Variants in FYCO1 observed in about 807,000 individuals in gnomAD.
FYCO1 encodes FYVE and coiled-coil domain autophagy adaptor 1.
In FYCO1, 122 loss-of-function variants were observed where a neutral mutation model predicts 165.1. The observed-to-expected ratio is 0.74, with a 90% confidence interval of 0.64 to 0.86. FYCO1 has a LOEUF of 0.86. FYCO1 is among the 40% of genes least tolerant of loss of function. FYCO1 has a pLI of 0.00. For synonymous variants in FYCO1, 648 were observed against 742.5 expected (o/e 0.87, Z 2.07); for missense variants, 1,702 against 1,810.3 (o/e 0.94, Z 1.09).
Position 45,921,706 on chromosome 3 carries a change from G to T in FYCO1, c.*59C>A. On this transcript the variant is annotated 3_prime_UTR_variant, in exon 18 of 18. Coordinates refer to ENST00000296137, the MANE Select transcript of FYCO1 (RefSeq NM_024513.4). ...GACTTTTTAAAAAAATGCTTTATGT[G>T]ACAGGTGAGGAAGAGCAGTGTTTCC... 1 of 1,137,982 alleles carries T rather than the reference G, an allele frequency of 8.8e-7. No homozygotes were observed. The highest frequency in any genetic ancestry group is 1.3e-6 in the Non-Finnish European group (1 of 745,284). The allele number at this position is 1,137,982 out of a possible 1,614,324, so 70.5% of individuals were successfully genotyped here. A position where few individuals can be genotyped will look rare whatever the true frequency, so the allele number is the denominator to read the frequency against.
At position 45,955,249 on chromosome 3, in the gene FYCO1, T is replaced by C. The variant is rs567898744; in HGVS notation, c.3944A>G (p.Gln1315Arg). ...GGAAATGGGGGTGACCTCTACTCAC[T>C]GTTCAGCCGCATTTGGGTCGAGAGA... ...TDSLDPNAAE[Q>R]DTTSTSLTPE... The change falls in exon 14 of 18, where the codon CAG becomes CGG. Residue 1315 changes from glutamine (Q) to arginine (R), a missense_variant and splice_region_variant. By Grantham distance (43) the Gln-to-Arg change is conservative. Coordinates refer to ENST00000296137, the MANE Select transcript of FYCO1 (RefSeq NM_024513.4). 4 of 1,613,862 alleles carry C rather than the reference T, an allele frequency of 2.5e-6. No individual in the cohort carries two copies. In the African/African-American group the frequency reaches 4.0e-5, roughly 16 times the overall value.
At chr3:45,969,586 T>C in intron 7 of FYCO1, 89 bp downstream of exon 7, 1 of 982,274 alleles carries the variant, frequency 1.0e-6, no homozygotes, top group African/African-American at 1.6e-5. Flanking sequence ...ACAACGGGCA[T>C]CTGAGAACAT....
rs748560471 is a variant in FYCO1 at position 45,936,543 on chromosome 3, C to T, written c.3945G>A (p.Gln1315=). ...TDSLDPNAAE[Q]DTTSTSLTPE... is the part of the protein sequence containing the mutation. ...GCGTTAGCGAGGTTGATGTAGTATC[C>T]CTGAAATGTCACAAATGAGAACACA... The change falls in exon 15 of 18, where the codon CAG becomes CAA. Residue 1315 remains glutamine (Q), a splice_region_variant and synonymous_variant. Transcript: ENST00000296137. The T allele has an allele frequency of 2.5e-6, 4 of 1,603,036 alleles. No homozygotes were observed. The highest frequency in any genetic ancestry group is 2.2e-5 in the South Asian group (2 of 90,824).
chr3:45,994,218 C>CAAAAAAAAA, intron 1 of FYCO1, among the ~76,000 whole-genome samples: 1 of 136,912 alleles, frequency 7.3e-6, no homozygotes, highest in African/African-American at 2.9e-5. Flanking sequence ...AAAGTAACTG[C>CAAAAAAAAA]AAAAAAAAAA....
intron 3 of FYCO1, among the ~76,000 whole-genome samples, chr3:45,980,475 T>C (rs2125869019): frequency 6.6e-6 from 1 of 152,292 alleles, no homozygotes; most frequent in East Asian, 1.9e-4. Context: ...TCAGTTTCAA[T>C]ATCGTTTTAA....
intron 14 of FYCO1, among the ~76,000 whole-genome samples, chr3:45,942,060 ACACCT>A (rs1456267647): frequency 1.3e-5 from 2 of 152,332 alleles, no homozygotes; most frequent in African/African-American, 4.8e-5. Flanking sequence ...CCCATAAGGA[ACACCT>A]CACTCATTTG....
chr3:45,972,165 G>C (rs1419805476), intron 6 of FYCO1, among the ~76,000 whole-genome samples: 2 of 152,148 alleles, frequency 1.3e-5, no homozygotes, highest in African/African-American at 2.4e-5. Context: ...GTTTTAAAAA[G>C]AGTATCTGGG....
At chr3:45,924,857 C>G (rs1170358308) in intron 16 of FYCO1, among the ~76,000 whole-genome samples, 2 of 151,964 alleles carry the variant, frequency 1.3e-5, no homozygotes, top group African/African-American at 4.8e-5. Flanking sequence ...AGGTGATCTG[C>G]CCGCCTCAGC....
intron 14 of FYCO1, among the ~76,000 whole-genome samples, chr3:45,950,571 C>T (rs1704949354): frequency 6.6e-6 from 1 of 152,138 alleles, no homozygotes; most frequent in South Asian, 2.1e-4. Flanking sequence ...CCTCCTCCTC[C>T]AAGGGGCTCT....
chr3:45,925,478 T>C (rs1703281870), intron 16 of FYCO1, among the ~76,000 whole-genome samples: 1 of 152,242 alleles, frequency 6.6e-6, no homozygotes, highest in Non-Finnish European at 1.5e-5. Context: ...TTTTATTAAA[T>C]TCAGTTTTAA....
Position 45,955,320 on chromosome 3 carries a change from T to C in FYCO1, c.3873A>G (p.Ile1291Met), listed in dbSNP as rs762025579. The change falls in exon 14 of 18, where the codon ATA becomes ATG. Residue 1291 changes from isoleucine (I) to methionine (M), a missense_variant. Transcript: ENST00000296137. ...CAGGCAAAGAGGAGCCGGACTCCTG[T>C]ATCTGGCACAATTCCTCATCTGTGA... ...DIITDEELCQ[I>M]QESGSSLPET... is the part of the protein sequence containing the mutation. The C allele has an allele frequency of 5.1e-5, 83 of 1,614,084 alleles. No homozygotes were observed. Among genetic ancestry groups the C allele is most frequent in the Non-Finnish European group, 2.5e-6 (3 of 1,180,040 alleles).
At chr3:45,927,382 T>C (rs1455835946) in intron 16 of FYCO1, among the ~76,000 whole-genome samples, 6 of 152,118 alleles carry the variant, frequency 3.9e-5, no homozygotes, top group Non-Finnish European at 7.4e-5. Flanking sequence ...CTCTGGAAAA[T>C]CTCAAAATAT....
chr3:45,926,844 A>G (rs1027770068), intron 16 of FYCO1, among the ~76,000 whole-genome samples: 3 of 152,104 alleles, frequency 2.0e-5, no homozygotes, highest in Non-Finnish European at 4.4e-5. Context: ...CATGCCTGTA[A>G]TCCCAGCTAC....
intron 14 of FYCO1, chr3:45,947,377 T>A (rs1462199286): frequency 1.2e-6 from 2 of 1,614,132 alleles, no homozygotes; most frequent in African/African-American, 1.3e-5. Context: ...CGAAAGAACT[T>A]CTGGAAACTT....
At chr3:45,930,762 C>A (rs1703558083) in intron 16 of FYCO1, among the ~76,000 whole-genome samples, 1 of 152,202 alleles carries the variant, frequency 6.6e-6, no homozygotes, top group African/African-American at 2.4e-5. Flanking sequence ...GAAAATGATC[C>A]TTAAATTGAG....
rs375694875 is a variant in FYCO1, at chr3:45,967,862, C to A, written c.1472G>T (p.Arg491Met). The change falls in exon 8 of 18, where the codon AGG becomes ATG. Residue 491 changes from arginine (R) to methionine (M), a missense_variant. By Grantham distance (91) the Arg-to-Met change is moderately conservative. Transcript: ENST00000296137. ...CTCCTGTTGCTGTTTTTTCTCCCGC[C>A]TCAACTCTGCTAGCTCCTCCTCCCA... ...SSWEEELAEL[R>M]REKKQQQEEK... 1.2e-6 allele frequency: 2 copies of A among 1,613,998 alleles called. No homozygotes were observed. The highest frequency in any genetic ancestry group is 1.7e-6 in the Non-Finnish European group (2 of 1,180,020).
intron 11 of FYCO1, among the ~76,000 whole-genome samples, chr3:45,960,193 A>C (rs1017724788): frequency 1.3e-5 from 2 of 152,210 alleles, no homozygotes; most frequent in Non-Finnish European, 2.9e-5. Context: ...CAGGGATACT[A>C]ATGAGCATGT....
At chr3:45,946,976 C>G (rs763248550) in intron 14 of FYCO1, 5 of 1,614,010 alleles carry the variant, frequency 3.1e-6, no homozygotes, top group Non-Finnish European at 4.2e-6. Context: ...TTTCCTTGCC[C>G]CAAATTATCT....
At chr3:45,979,112 G>A (rs1365034135) in intron 4 of FYCO1, among the ~76,000 whole-genome samples, 2 of 151,960 alleles carry the variant, frequency 1.3e-5, no homozygotes, top group South Asian at 2.1e-4. Flanking sequence ...TGCCCGCCTC[G>A]GCCTCCCAAA....
Sources: gnomAD v4.1 joint callset for allele counts (sites outside exome capture counted in the v4.1 genomes callset) on GRCh38, gnomAD v4.1.1 for gene constraint, MANE v1.5 for transcripts, NCBI Gene and HGNC (gene_info 2026-07-23, HGNC 2026-07-21) for gene names.